Variants in NR5A2 observed in about 807,000 individuals in gnomAD.
NR5A2 encodes the protein CYP7A promoter-binding factor.
NR5A2 carries 26 observed loss-of-function variants against 62.7 expected under a neutral mutation model. The ratio of observed to expected loss-of-function variants is 0.41; its 90% CI spans 0.30 to 0.58. The LOEUF (loss-of-function observed/expected upper bound fraction) is 0.58, where lower values mean the gene tolerates loss of function less well. NR5A2 is among the 20% of genes least tolerant of loss of function. NR5A2 has a pLI of 0.22. For synonymous variants in NR5A2, 246 were observed against 241.7 expected (o/e 1.02, Z -0.16); for missense variants, 541 against 669.1 (o/e 0.81, Z 2.11).
chr1:200,069,801 A>T (rs1663654618), intron 5 of NR5A2, among the ~76,000 whole-genome samples: 1 of 152,192 alleles, frequency 6.6e-6, no homozygotes, highest in Admixed American at 6.6e-5. Flanking sequence ...ATGCCAAAGT[A>T]AAAAGATTAG....
chr1:200,109,978 T>C (rs1665865517), intron 5 of NR5A2, among the ~76,000 whole-genome samples: 1 of 152,182 alleles, frequency 6.6e-6, no homozygotes, highest in African/African-American at 2.4e-5. Context: ...TTGGCCAGGA[T>C]GGTCTCAAAC....
chr1:200,092,211 G>A lies in NR5A2; in HGVS notation c.1111-18991G>A, dbSNP rs535820658. On this transcript the variant is annotated intron_variant, in intron 5 of 7. Transcript: ENST00000367362. ...TTCTTAAAAGAATATGCTTTACTTTGAAAGTTTGCATTTATGCTATCTTGT... is the reference window on the plus strand; with the variant it reads ...TTCTTAAAAGAATATGCTTTACTTTAAAAGTTTGCATTTATGCTATCTTGT... 1.2e-4 allele frequency among the ~76,000 whole-genome samples: 18 copies of A among 152,280 alleles called. No homozygotes were observed. In the South Asian group the frequency reaches 3.7e-3, roughly 32 times the overall value.
At chr1:200,082,217 G>GA (rs1195836180) in intron 5 of NR5A2, among the ~76,000 whole-genome samples, 5 of 152,090 alleles carry the variant, frequency 3.3e-5, no homozygotes, top group East Asian at 1.9e-4. Flanking sequence ...CATTACTCTA[G>GA]AAAAAATCTC....
At chr1:200,088,985 A>G (rs1054243855) in intron 5 of NR5A2, among the ~76,000 whole-genome samples, 11 of 151,970 alleles carry the variant, frequency 7.2e-5, no homozygotes, top group African/African-American at 2.7e-4. Context: ...TTTCTTCACT[A>G]GCTCCTCTCC....
rs555845877 is a variant in NR5A2, at chr1:200,165,681, G to A, written c.1379-8282G>A. Among the ~76,000 whole-genome samples, 3 of 152,286 alleles carry A rather than the reference G, an allele frequency of 2.0e-5. 1 individual carries two copies. The highest frequency in any genetic ancestry group is 4.1e-4 in the South Asian group (2 of 4,828). ...CTCCATGTCTTTTCATGGGCCAACA[G>A]CTCGTTTCATTTTAGTGTTGTGCAA... is the stretch of plus-strand genomic sequence containing the variant. On this transcript the variant is annotated intron_variant, in intron 7 of 7. Transcript: ENST00000367362.
At chr1:200,102,144 C>T (rs536641283) in intron 5 of NR5A2, among the ~76,000 whole-genome samples, 16 of 152,236 alleles carry the variant, frequency 1.1e-4, no homozygotes, top group South Asian at 4.2e-4. Flanking sequence ...CTAGGTATAT[C>T]GTGTATACCA....
Position 200,074,530 on chromosome 1 carries a change from G to C in NR5A2, c.1110+25712G>C, listed in dbSNP as rs1663915173. On this transcript the variant is annotated intron_variant, in intron 5 of 7. Transcript: ENST00000367362. ...AGGCGGGCAGATCACAAGGTCAGGA[G>C]ATCGAGACCATCCTTGCTAACACAG... 2.0e-5 allele frequency among the ~76,000 whole-genome samples: 3 copies of C among 151,768 alleles called. No individual in the cohort carries two copies. The South Asian group carries it at 6.3e-4, about 32-fold the overall frequency.
At chr1:200,149,998 C>T (rs753553806) in intron 7 of NR5A2, among the ~76,000 whole-genome samples, 22 of 152,050 alleles carry the variant, frequency 1.4e-4, no homozygotes, top group Non-Finnish European at 3.1e-4. Flanking sequence ...TTATGTAAAG[C>T]GTATAACTCC....
chr1:200,046,681 G>T (rs1662380507), intron 4 of NR5A2, among the ~76,000 whole-genome samples: 1 of 152,012 alleles, frequency 6.6e-6, no homozygotes, highest in African/African-American at 2.4e-5. Context: ...GGAAATAATT[G>T]ATGCTTATTA....
At chr1:200,127,694 AAAAAAAAAAAAAAAAATATATATAT>A (rs1362462817) in intron 7 of NR5A2, among the ~76,000 whole-genome samples, 4 of 99,964 alleles carry the variant, frequency 4.0e-5, no homozygotes, top group Non-Finnish European at 8.3e-5. Context: ...AAAAAAAAAA[AAAAAAAAAAAAAAAAATATATATAT>A]ATATATATAT....
chr1:200,111,162 T>G, intron 5 of NR5A2, 40 bp from the exon 6 acceptor site: 1 of 1,599,152 alleles, frequency 6.3e-7, no homozygotes, highest in Non-Finnish European at 8.5e-7. Context: ...CAGTGTCATT[T>G]TTTGTTTTTT....
intron 7 of NR5A2, among the ~76,000 whole-genome samples, chr1:200,144,221 T>TCACACACACACA (rs755056555): frequency 2.6e-5 from 1 of 39,032 alleles, no homozygotes; most frequent in African/African-American, 7.8e-5. Flanking sequence ...TGTTTCTCTC[T>TCACACACACACA]CTCTCTCTCT....
intron 1 of NR5A2, among the ~76,000 whole-genome samples, chr1:200,033,176 G>A (rs997767140): frequency 6.6e-6 from 1 of 152,184 alleles, no homozygotes; most frequent in Non-Finnish European, 1.5e-5. Context: ...GAGTTTGGAT[G>A]AAGTTTAGCT....
rs1283615111 is a variant in NR5A2 at position 200,176,785 on chromosome 1, A to T, written c.*2575A>T. 6.6e-6 allele frequency: 1 copy of T among 152,170 alleles called. No individual in the cohort carries two copies. The highest frequency in any genetic ancestry group is 1.5e-5 in the Non-Finnish European group (1 of 68,034). 9.4% of individuals were successfully genotyped at this position (152,170 alleles called of 1,614,324 possible). Reference sequence around the variant, plus strand: ...CCCCCATAGCTGGGACTAGGGGTGCATGCCAGCATACCTGGCTACGTTGAC... The same window carrying T: ...CCCCCATAGCTGGGACTAGGGGTGCTTGCCAGCATACCTGGCTACGTTGAC... On this transcript the variant is annotated 3_prime_UTR_variant, in exon 8 of 8. Transcript: ENST00000367362.
chr1:200,110,837 A>G (rs1323881435), intron 5 of NR5A2, among the ~76,000 whole-genome samples: 1 of 152,206 alleles, frequency 6.6e-6, no homozygotes, highest in Non-Finnish European at 1.5e-5. Flanking sequence ...AGCATAGGCA[A>G]TCTGGGGTCA....
Position 200,048,902 on chromosome 1 carries a change from A to G in NR5A2, c.1110+84A>G. ...CCTAATTAATACATTCTTGGTGCTG[A>G]AAATATGTGTTCCTTAATTTTCTAC... On this transcript the variant is annotated intron_variant, in intron 5 of 7. Transcript: ENST00000367362. This position sits in a 1 kb window ranked among gnomAD's most constrained non-coding sequence, Gnocchi z 4.8. 1 of 1,468,768 alleles carries G rather than the reference A, an allele frequency of 6.8e-7. No individual in the cohort carries two copies. Among genetic ancestry groups the G allele is most frequent in the South Asian group, 1.3e-5 (1 of 77,878 alleles). The allele number at this position is 1,468,768 out of a possible 1,614,324, so 91.0% of individuals were successfully genotyped here. A position where few individuals can be genotyped will look rare whatever the true frequency, so the allele number is the denominator to read the frequency against.
At chr1:200,052,863 A>G (rs1422567431) in intron 5 of NR5A2, among the ~76,000 whole-genome samples, 1 of 151,874 alleles carries the variant, frequency 6.6e-6, no homozygotes, top group Non-Finnish European at 1.5e-5. Flanking sequence ...GATGGTCTTG[A>G]TCTCCTGACC....
chr1:200,066,491 C>T lies in NR5A2; in HGVS notation c.1110+17673C>T, dbSNP rs572558587. Among the ~76,000 whole-genome samples the T allele has an allele frequency of 2.7e-4, 41 of 152,092 alleles. 3 individuals are homozygous for T. In the South Asian group the frequency reaches 7.1e-3, roughly 26 times the overall value. ...TATTTTTATTCAAGAAGGCACAGCT[C>T]GACCACTCCACGCAGATATAAATTC... On this transcript the variant is annotated intron_variant, in intron 5 of 7. Coordinates refer to ENST00000367362, the MANE Select transcript of NR5A2 (RefSeq NM_205860.3).
intron 7 of NR5A2, among the ~76,000 whole-genome samples, chr1:200,170,286 T>C (rs1385308704): frequency 2.6e-5 from 4 of 152,204 alleles, no homozygotes; most frequent in Admixed American, 2.6e-4. Context: ...GTGTTTACAT[T>C]TGGGCCATAG....
Sources: gnomAD v4.1 joint callset for allele counts (sites outside exome capture counted in the v4.1 genomes callset) on GRCh38, gnomAD v4.1.1 for gene constraint, Gnocchi (gnomAD v3.1) non-coding constraint, MANE v1.5 for transcripts, NCBI Gene and HGNC (gene_info 2026-07-23, HGNC 2026-07-21) for gene names.